Variants in DYNC2H1 observed in about 807,000 individuals in gnomAD.
DYNC2H1 encodes dynein cytoplasmic 2 heavy chain 1, also known as cytoplasmic dynein 2 heavy chain 1.
Under a neutral mutation model 570.0 loss-of-function variants are expected in DYNC2H1, and 410 were observed. The ratio of observed to expected loss-of-function variants is 0.72; its 90% confidence interval spans 0.66 to 0.78. The LOEUF is 0.78. DYNC2H1 is among the 30% of genes least tolerant of loss of function. The probability of loss-of-function intolerance (pLI) is 0.00; values close to 1 mark genes in which losing one functional copy is unlikely to be tolerated. For synonymous variants in DYNC2H1, 1,688 were observed against 1,677.6 expected (o/e 1.01, Z -0.15); for missense variants, 4,865 against 5,046.4 (o/e 0.96, Z 1.09).
At chr11:103,362,369 A>C (rs573000618) in intron 83 of DYNC2H1, among the ~76,000 whole-genome samples, 2 of 121,432 alleles carry the variant, frequency 1.6e-5, no homozygotes, top group East Asian at 4.7e-4. Context: ...ATCTTGATGT[A>C]ACCACTTCTC....
chr11:103,233,457 A>G (rs1417515803), intron 60 of DYNC2H1, among the ~76,000 whole-genome samples: 2 of 151,976 alleles, frequency 1.3e-5, no homozygotes, highest in African/African-American at 4.8e-5. Context: ...ATAAAGATCA[A>G]TGAATATAGG....
At chr11:103,262,397 C>A (rs2135280605) in intron 70 of DYNC2H1, among the ~76,000 whole-genome samples, 1 of 152,188 alleles carries the variant, frequency 6.6e-6, no homozygotes, top group South Asian at 2.1e-4. Flanking sequence ...GACACATAAT[C>A]ATCAGATTCA....
chr11:103,177,417 A>T lies in DYNC2H1; in HGVS notation c.5875-139A>T. 1.4e-6 allele frequency: 1 copy of T among 699,964 alleles called. No individual in the cohort carries two copies. Among genetic ancestry groups the T allele is most frequent in the South Asian group, 2.4e-5 (1 of 41,606 alleles). The allele number at this position is 699,964 out of a possible 1,614,324, so 43.4% of individuals were successfully genotyped here. ...ATGTTCAGATTTATTTAGGTAGTCT[A>T]TTACATTTTAGGCAATACCTTCCAC... On this transcript the variant is annotated intron_variant, in intron 37 of 88. Coordinates refer to ENST00000375735, the MANE Select transcript of DYNC2H1 (RefSeq NM_001377.3). The surrounding 1 kb of genome is among the most constrained non-coding windows in gnomAD (Gnocchi z 4.4).
chr11:103,441,059 A>G (rs1332463277), intron 85 of DYNC2H1, among the ~76,000 whole-genome samples: 1 of 152,150 alleles, frequency 6.6e-6, no homozygotes, highest in African/African-American at 2.4e-5. Flanking sequence ...CATCTTGAGT[A>G]TCAAAATCCT....
At chr11:103,192,557 A>G (rs1164196733) in intron 47 of DYNC2H1, among the ~76,000 whole-genome samples, 1 of 152,142 alleles carries the variant, frequency 6.6e-6, no homozygotes, top group Non-Finnish European at 1.5e-5. Context: ...AGTTACATGT[A>G]TATAAAACAT....
Position 103,221,973 on chromosome 11 carries a change from T to C in DYNC2H1, c.9108-57T>C, listed in dbSNP as rs1050464582. ...ACACCATTTTGTTAAACTGATTTTT[T>C]TTCAGAAACAGCAAATTTTATTTAG... On this transcript the variant is annotated intron_variant, in intron 57 of 88. Transcript: ENST00000375735. 5.7e-6 allele frequency: 9 copies of C among 1,580,104 alleles called. No homozygotes were observed. The South Asian group carries it at 5.8e-5, about 10-fold the overall frequency.
intron 83 of DYNC2H1, among the ~76,000 whole-genome samples, chr11:103,376,992 T>G (rs1369315140): frequency 6.6e-6 from 1 of 152,234 alleles, no homozygotes; most frequent in East Asian, 1.9e-4. Context: ...GAAATCTGAC[T>G]GTCTAGTGGG....
At chr11:103,259,786 A>G (rs541904788) in intron 69 of DYNC2H1, 102 bp from the exon 70 acceptor site, 2 of 720,386 alleles carry the variant, frequency 2.8e-6, no homozygotes, top group African/African-American at 3.7e-5. Flanking sequence ...ATGGTTAAAG[A>G]TACTTGTTTC....
At position 103,324,230 on chromosome 11, in the gene DYNC2H1, T is replaced by G. The variant is rs115812118; in HGVS notation, c.12039+240T>G. Among the ~76,000 whole-genome samples the G allele has an allele frequency of 8.1e-3, 1,241 of 152,312 alleles. 19 individuals are homozygous for G. Among genetic ancestry groups the G allele is most frequent in the African/African-American group, 0.028 (1,171 of 41,560 alleles). On this transcript the variant is annotated intron_variant, in intron 82 of 88. Coordinates refer to ENST00000375735, the MANE Select transcript of DYNC2H1 (RefSeq NM_001377.3). This position sits in a 1 kb window ranked among gnomAD's most constrained non-coding sequence, Gnocchi z 5.2. Reference sequence around the variant, plus strand: ...GTGCAGATTTGTTACATAGGTAAATTGTGTGTCGTAAGGGTTTGGTGTACA... The same window carrying G: ...GTGCAGATTTGTTACATAGGTAAATGGTGTGTCGTAAGGGTTTGGTGTACA...
Position 103,120,570 on chromosome 11 carries a change from C to A in DYNC2H1, c.1123C>A (p.Pro375Thr), listed in dbSNP as rs781050508. The A allele has an allele frequency of 3.1e-6, 5 of 1,611,280 alleles. No homozygotes were observed. Among genetic ancestry groups the A allele is most frequent in the Admixed American group, 1.7e-5 (1 of 59,812 alleles). Reference protein sequence around the residue: ...FTGLNPVQYNPYTEPLWKAAV... With the variant: ...FTGLNPVQYNTYTEPLWKAAV... ...TGGCCTGAATCCTGTGCAATATAAT[C>A]CATATACTGAGGTTGTATATATATT... Residue 375 changes from proline to threonine, a missense_variant, in exon 7 of 89, where the codon CCA (proline) becomes ACA (threonine). By Grantham distance (38) the Pro-to-Thr change is conservative. Coordinates refer to ENST00000375735, the MANE Select transcript of DYNC2H1 (RefSeq NM_001377.3).
intron 28 of DYNC2H1, 46 bp from the exon 29 acceptor site, chr11:103,160,886 A>G (rs1273571070): frequency 9.2e-7 from 1 of 1,085,400 alleles, no homozygotes; most frequent in Non-Finnish European, 1.3e-6. Context: ...TCTAATAATT[A>G]TGTCTTTAAT....
intron 54 of DYNC2H1, among the ~76,000 whole-genome samples, chr11:103,213,799 G>T (rs1565401110): frequency 6.6e-6 from 1 of 152,064 alleles, no homozygotes; most frequent in African/African-American, 2.4e-5. Flanking sequence ...TCTGTTAATT[G>T]TTTCCTTTGC....
intron 17 of DYNC2H1, among the ~76,000 whole-genome samples, chr11:103,141,825 G>A (rs1859954353): frequency 6.6e-6 from 1 of 152,220 alleles, no homozygotes; most frequent in Admixed American, 6.5e-5. Flanking sequence ...AGCCTACAGA[G>A]GCAGGCAGGC....
Position 103,215,711 on chromosome 11 carries a change from A to G in DYNC2H1, c.8695-10A>G. On this transcript the variant is annotated splice_polypyrimidine_tract_variant and intron_variant, in intron 54 of 88. Coordinates refer to ENST00000375735, the MANE Select transcript of DYNC2H1 (RefSeq NM_001377.3). ...TTAAAATATTGCCGATCAATATTTTATTGATGTAGGCTGGTGTATCTAAAC... is the reference window on the plus strand; with the variant it reads ...TTAAAATATTGCCGATCAATATTTTGTTGATGTAGGCTGGTGTATCTAAAC... The G allele has an allele frequency of 1.3e-6, 2 of 1,569,652 alleles. No homozygotes were observed. Among genetic ancestry groups the G allele is most frequent in the Non-Finnish European group, 1.7e-6 (2 of 1,159,452 alleles).
chr11:103,288,684 T>TAAAAAAAAAAAAAAA (rs57040929), intron 75 of DYNC2H1, among the ~76,000 whole-genome samples: 19 of 27,910 alleles, frequency 6.8e-4, no homozygotes, highest in African/African-American at 2.7e-3. Flanking sequence ...CCGTCTCTAC[T>TAAAAAAAAAAAAAAA]AAAAAAAAAA....
intron 70 of DYNC2H1, among the ~76,000 whole-genome samples, chr11:103,270,485 A>G (rs891245299): frequency 1.3e-5 from 2 of 152,192 alleles, no homozygotes; most frequent in Non-Finnish European, 2.9e-5. Flanking sequence ...AAAATAGAAC[A>G]ATTGTAACAA....
At chr11:103,355,652 A>T (rs1401352242) in intron 82 of DYNC2H1, among the ~76,000 whole-genome samples, 1 of 152,182 alleles carries the variant, frequency 6.6e-6, no homozygotes, top group Non-Finnish European at 1.5e-5. Context: ...TTGAAATAAG[A>T]ACAGGTGAAG....
intron 29 of DYNC2H1, among the ~76,000 whole-genome samples, chr11:103,162,480 T>G (rs1861137484): frequency 6.6e-6 from 1 of 151,968 alleles, no homozygotes; most frequent in Non-Finnish European, 1.5e-5. Context: ...GAAAAATACA[T>G]TTTTTTTCAC....
At chr11:103,404,745 A>C (rs1437775954) in intron 84 of DYNC2H1, 2 of 151,770 alleles carry the variant, frequency 1.3e-5, no homozygotes, top group East Asian at 3.9e-4. Context: ...AATATGTGTC[A>C]TGTAAGATAA....
Sources: gnomAD v4.1 joint callset for allele counts (sites outside exome capture counted in the v4.1 genomes callset) on GRCh38, gnomAD v4.1.1 for gene constraint, Gnocchi (gnomAD v3.1) non-coding constraint, MANE v1.5 for transcripts, NCBI Gene and HGNC (gene_info 2026-07-23, HGNC 2026-07-21) for gene names.